Variants in IL31RA observed in about 807,000 individuals in gnomAD.
IL31RA encodes the protein interleukin-31 receptor subunit alpha.
IL31RA carries 66 observed loss-of-function variants against 83.7 expected under a neutral mutation model. The ratio of observed to expected loss-of-function variants is 0.79; its 90% CI spans 0.65 to 0.97. The LOEUF (loss-of-function observed/expected upper bound fraction) is 0.97. Among genes scored for constraint, IL31RA ranks in the 50% least tolerant of loss-of-function variants. The pLI is 0.00. For missense variants in IL31RA, 798 were observed against 919.4 expected, an observed-to-expected ratio of 0.87 and a Z score of 1.71; for synonymous variants, 325 against 329.0, an observed-to-expected ratio of 0.99 and a Z score of 0.13.
chr5:55,865,161 T>C (rs1295160473), intron 2 of IL31RA, among the ~76,000 whole-genome samples: 3 of 152,352 alleles, frequency 2.0e-5, no homozygotes, highest in East Asian at 1.9e-4. Flanking sequence ...GTGTTAATGG[T>C]GTAGCTTTCA....
In IL31RA at chr5:55,910,562, A is replaced by G. The variant is rs1749439656; in HGVS notation, c.1532A>G (p.Tyr511Cys). 1.2e-6 allele frequency: 2 copies of G among 1,614,074 alleles called. No individual in the cohort carries two copies. The highest frequency in any genetic ancestry group is 1.7e-6 in the Non-Finnish European group (2 of 1,180,044). ...ACAGTCAATTCCAGCATCTTGCAGT[A>G]CGGCCTGGAGTCCCTGAAACGAAAG... is the stretch of plus-strand genomic sequence containing the variant. ...SKTVNSSILQ[Y>C]GLESLKRKTS... The change falls in exon 12 of 15, where the codon TAC becomes TGC. Residue 511 changes from tyrosine (Y) to cysteine (C), a missense_variant. By Grantham distance (194) the Tyr-to-Cys change is radical. Transcript: ENST00000652347.
At chr5:55,898,041 C>T (rs1275555852) in intron 7 of IL31RA, among the ~76,000 whole-genome samples, 1 of 152,214 alleles carries the variant, frequency 6.6e-6, no homozygotes, top group Admixed American at 6.5e-5. Context: ...GGAGGCGGTG[C>T]TGCCGCCGCA....
chr5:55,839,804 CTG>C, the IL31RA span: 1 of 766,824 alleles, frequency 1.3e-6, no homozygotes, highest in Non-Finnish European at 2.4e-6. Context: ...CATAGTTTCT[CTG>C]TCCTTTTTCA....
intron 3 of IL31RA, among the ~76,000 whole-genome samples, chr5:55,871,644 C>T (rs1159680805): frequency 6.6e-6 from 1 of 152,054 alleles, no homozygotes; most frequent in Non-Finnish European, 1.5e-5. Context: ...TACCCAGAAT[C>T]CCACTGCCAA....
At chr5:55,860,619 A>G (rs1029254908) in intron 2 of IL31RA, among the ~76,000 whole-genome samples, 8 of 152,244 alleles carry the variant, frequency 5.3e-5, no homozygotes, top group African/African-American at 1.7e-4. Flanking sequence ...CATAAAGGGA[A>G]ATAATGAAAC....
upstream of IL31RA, among the ~76,000 whole-genome samples, chr5:55,849,567 T>C (rs963435105): frequency 2.6e-5 from 4 of 152,232 alleles, no homozygotes; most frequent in African/African-American, 9.6e-5. Flanking sequence ...TTCCTTAACT[T>C]ACTGAGCCGA....
At chr5:55,857,581 A>G (rs1393316397) in intron 1 of IL31RA, among the ~76,000 whole-genome samples, 3 of 152,132 alleles carry the variant, frequency 2.0e-5, no homozygotes, top group Non-Finnish European at 4.4e-5. Flanking sequence ...TCATTTCACT[A>G]TTGTAACTAT....
In IL31RA at chr5:55,851,553, G is replaced by C. The variant is rs1165785874; in HGVS notation, c.-18G>C. ...AGACAGGAAGGCAGAGTGTCAGCTT[G>C]TTCCACCTCAGCTGGGAATGTGCAT... On this transcript the variant is annotated 5_prime_UTR_variant, in exon 1 of 15. Transcript: ENST00000652347. The C allele has an allele frequency of 6.2e-7, 1 of 1,614,042 alleles. No individual in the cohort carries two copies. The highest frequency in any genetic ancestry group is 1.1e-5 in the South Asian group (1 of 91,082).
upstream of IL31RA, among the ~76,000 whole-genome samples, chr5:55,847,236 AAAAAAT>A (rs56247326): frequency 2.3e-5 from 1 of 42,978 alleles, no homozygotes; most frequent in Non-Finnish European, 5.3e-5. Context: ...GAAAAAAAAA[AAAAAAT>A]AAAAATAAAT....
intron 8 of IL31RA, among the ~76,000 whole-genome samples, chr5:55,901,373 G>A (rs1479939696): frequency 6.6e-6 from 1 of 152,066 alleles, no homozygotes; most frequent in Admixed American, 6.5e-5. Flanking sequence ...GGGTATAAAA[G>A]CATGGGCTTT....
chr5:55,870,197 A>G (rs189733062), intron 3 of IL31RA, among the ~76,000 whole-genome samples: 128 of 152,334 alleles, frequency 8.4e-4, no homozygotes, highest in Non-Finnish European at 1.6e-3. Context: ...CTGCTTTCCA[A>G]CGAAACTTTA....
chr5:55,866,469 C>T (rs1415272570), intron 2 of IL31RA: 2 of 151,358 alleles, frequency 1.3e-5, no homozygotes, highest in Non-Finnish European at 2.9e-5. Context: ...CTAGATCCCT[C>T]ACAAGCACAG....
the IL31RA span, among the ~76,000 whole-genome samples, chr5:55,842,695 T>C: frequency 6.6e-6 from 1 of 152,216 alleles, no homozygotes; most frequent in Non-Finnish European, 1.5e-5. Context: ...ACGTGTCCAT[T>C]TTCCCACTTA....
chr5:55,877,166 T>C (rs1310481038), intron 4 of IL31RA, among the ~76,000 whole-genome samples: 1 of 152,190 alleles, frequency 6.6e-6, no homozygotes, highest in Non-Finnish European at 1.5e-5. Flanking sequence ...GGACTACAAA[T>C]AGCATCTAAA....
chr5:55,879,026 G>C (rs1173440697), intron 4 of IL31RA, among the ~76,000 whole-genome samples: 1 of 152,104 alleles, frequency 6.6e-6, no homozygotes, highest in African/African-American at 2.4e-5. Context: ...ATAATTTATT[G>C]TATGTCTGCA....
At chr5:55,882,227 C>T (rs1747284658) in intron 4 of IL31RA, among the ~76,000 whole-genome samples, 1 of 152,132 alleles carries the variant, frequency 6.6e-6, no homozygotes, top group Non-Finnish European at 1.5e-5. Context: ...TAGCTACCTA[C>T]TGTAATACCA....
intron 11 of IL31RA, chr5:55,908,805 T>G: frequency 7.1e-7 from 1 of 1,404,890 alleles, no homozygotes; most frequent in Non-Finnish European, 9.2e-7. Flanking sequence ...CTTTTGTTTT[T>G]CAGTCCACCT....
chr5:55,896,300 C>T, intron 6 of IL31RA, 50 bp from the exon 7 acceptor site: 1 of 1,295,122 alleles, frequency 7.7e-7, no homozygotes, highest in East Asian at 2.3e-5. Context: ...CCTGTCTCCT[C>T]TGCAACTCCC....
At chr5:55,841,925 T>G in the IL31RA span, among the ~76,000 whole-genome samples, 1 of 151,892 alleles carries the variant, frequency 6.6e-6, no homozygotes, top group East Asian at 1.9e-4. Context: ...GGAGAATCTG[T>G]TCCATGTTTT....
Sources: allele counts gnomAD v4.1 joint callset (sites outside exome capture counted in the v4.1 genomes callset), GRCh38; gene constraint gnomAD v4.1.1; transcripts MANE v1.5; gene names NCBI Gene and HGNC (gene_info 2026-07-23, HGNC 2026-07-21).